The following CLDN10 variants were observed in gnomAD, a reference collection of about 807,000 sequenced individuals.
The protein encoded by CLDN10 is claudin 10.
A neutral mutation model predicts 22.9 loss-of-function variants in CLDN10; 15 were observed. The ratio of observed to expected loss-of-function variants is 0.65; its 90% CI spans 0.44 to 1.01. CLDN10 has a LOEUF of 1.01. Among genes scored for constraint, CLDN10 ranks in the 50% least tolerant of loss-of-function variants. The pLI, the probability that CLDN10 is intolerant of heterozygous loss-of-function variation, is 0.00. For missense variants in CLDN10, 247 were observed against 287.8 expected, an observed-to-expected ratio of 0.86 and a Z score of 1.03; for synonymous variants, 114 against 111.4, an observed-to-expected ratio of 1.02 and a Z score of -0.15.
chr13:95,512,650 C>T (rs1015084881), intron 1 of CLDN10, among the ~76,000 whole-genome samples: 1 of 152,192 alleles, frequency 6.6e-6, no homozygotes, highest in Admixed American at 6.5e-5. Flanking sequence ...GCCATGTCCC[C>T]CAGTCACCTG....
Position 95,523,200 on chromosome 13 carries a change from T to G in CLDN10, c.215-36932T>G, listed in dbSNP as rs977176658. Among the ~76,000 whole-genome samples the G allele has an allele frequency of 5.3e-5, 8 of 152,304 alleles. No homozygotes were observed. In the South Asian group the frequency reaches 6.2e-4, roughly 12 times the overall value. Reference sequence around the variant, plus strand: ...TTTTTTGTTAATTTATAATTTATACTCTTTTACTAGTCTCTTAGTTGTTCC... The same window carrying G: ...TTTTTTGTTAATTTATAATTTATACGCTTTTACTAGTCTCTTAGTTGTTCC... On this transcript the variant is annotated intron_variant, in intron 1 of 4. Transcript: ENST00000376873.
chr13:95,467,037 C>CA (rs1555289337), intron 1 of CLDN10, among the ~76,000 whole-genome samples: 2 of 118,986 alleles, frequency 1.7e-5, no homozygotes, highest in East Asian at 2.8e-4. Flanking sequence ...CCACCATGCC[C>CA]GTTTTTTTTT....
Position 95,552,816 on chromosome 13 carries a change from G to A in CLDN10, c.63G>A (p.Val21=). Residue 21 remains valine (V), a synonymous_variant, in exon 1 of 5, where the codon GTG becomes GTA. Coordinates refer to ENST00000299339, the MANE Select transcript of CLDN10 (RefSeq NM_006984.5). Reference sequence around the variant, plus strand: ...TCTCCATCTCAGGCTGGGTACTGGTGTCCTCCACGCTGCCCACCGACTACT... The same window carrying A: ...TCTCCATCTCAGGCTGGGTACTGGTATCCTCCACGCTGCCCACCGACTACT... ...FMVSISGWVL[V]SSTLPTDYWK... 6.2e-7 allele frequency: 1 copy of A among 1,614,024 alleles called. No homozygotes were observed. The highest frequency in any genetic ancestry group is 8.5e-7 in the Non-Finnish European group (1 of 1,179,976).
chr13:95,502,728 C>G (rs555454322), intron 1 of CLDN10, among the ~76,000 whole-genome samples: 2 of 152,242 alleles, frequency 1.3e-5, no homozygotes, highest in South Asian at 4.1e-4. Context: ...ACCATGTTGG[C>G]CAGGCTGGTC....
At chr13:95,576,376 C>T (rs1302315327) in intron 3 of CLDN10, among the ~76,000 whole-genome samples, 1 of 152,106 alleles carries the variant, frequency 6.6e-6, no homozygotes, top group East Asian at 1.9e-4. Flanking sequence ...AGTTTATGGG[C>T]CCCAAATAAG....
intron 3 of CLDN10, among the ~76,000 whole-genome samples, chr13:95,575,629 T>C (rs188176870): frequency 6.5e-5 from 9 of 138,080 alleles, no homozygotes; most frequent in Admixed American, 6.5e-4. Flanking sequence ...TCCTCGCTTA[T>C]ACAAACCCTC....
At chr13:95,519,736 T>C (rs9302079) in intron 1 of CLDN10, among the ~76,000 whole-genome samples, 59,405 of 152,106 alleles carry the variant, frequency 0.39, 11,852 homozygotes, top group African/African-American at 0.45. Flanking sequence ...GGATGAGTTT[T>C]AAGACAACAA....
intron 1 of CLDN10, among the ~76,000 whole-genome samples, chr13:95,532,374 G>C (rs966677728): frequency 6.6e-6 from 1 of 152,026 alleles, no homozygotes; most frequent in South Asian, 2.1e-4. Flanking sequence ...ATTTGAATGG[G>C]CAATAAGCAC....
intron 1 of CLDN10, among the ~76,000 whole-genome samples, chr13:95,522,885 G>A (rs2043237553): frequency 6.6e-6 from 1 of 151,788 alleles, no homozygotes; most frequent in African/African-American, 2.4e-5. Context: ...ATTTTAGGTA[G>A]CATTCACATT....
At chr13:95,498,139 A>AGT (rs1186990411) in intron 1 of CLDN10, among the ~76,000 whole-genome samples, 1 of 152,228 alleles carries the variant, frequency 6.6e-6, no homozygotes, top group Non-Finnish European at 1.5e-5. Context: ...TCTGAAGGTC[A>AGT]GTGTGTGACC....
At chr13:95,472,669 C>CCAA (rs570631335) in intron 1 of CLDN10, among the ~76,000 whole-genome samples, 3 of 106,272 alleles carry the variant, frequency 2.8e-5, no homozygotes, top group Non-Finnish European at 5.8e-5. Flanking sequence ...GACTCCGTCT[C>CCAA]AAAAAAAAAA....
intron 1 of CLDN10, among the ~76,000 whole-genome samples, chr13:95,496,687 C>T (rs927787): frequency 0.33 from 50,935 of 152,076 alleles, 9,808 homozygotes; most frequent in Non-Finnish European, 0.41. Flanking sequence ...CTTGTCTCTT[C>T]CTCTTCTTGT....
At chr13:95,456,275 T>A (rs2042481082) in intron 1 of CLDN10, among the ~76,000 whole-genome samples, 1 of 152,216 alleles carries the variant, frequency 6.6e-6, no homozygotes, top group South Asian at 2.1e-4. Context: ...ACAAAAATCT[T>A]AATTCTGGGT....
At chr13:95,455,925 A>G (rs1180702515) in intron 1 of CLDN10, among the ~76,000 whole-genome samples, 2 of 152,242 alleles carry the variant, frequency 1.3e-5, no homozygotes, top group Admixed American at 1.3e-4. Flanking sequence ...GCCTGGCTGA[A>G]GGAAGATTCT....
At chr13:95,479,739 A>C (rs947803239) in intron 1 of CLDN10, 10 of 152,336 alleles carry the variant, frequency 6.6e-5, no homozygotes, top group Admixed American at 2.6e-4. Flanking sequence ...GACCTTAAGG[A>C]ACTTGATCAA....
upstream of CLDN10, among the ~76,000 whole-genome samples, chr13:95,548,481 CAAAAA>C (rs202086060): frequency 6.6e-6 from 1 of 151,240 alleles, no homozygotes; most frequent in Non-Finnish European, 1.5e-5. Flanking sequence ...TTATAATTTG[CAAAAA>C]AAATTATAGA....
intron 1 of CLDN10, among the ~76,000 whole-genome samples, chr13:95,521,560 T>C (rs183268336): frequency 6.6e-6 from 1 of 152,322 alleles, no homozygotes; most frequent in East Asian, 1.9e-4. Flanking sequence ...ATCCTTTTTA[T>C]ATATTACTGG....
At chr13:95,523,770 G>A (rs764415435) in intron 1 of CLDN10, among the ~76,000 whole-genome samples, 3 of 152,038 alleles carry the variant, frequency 2.0e-5, no homozygotes, top group East Asian at 1.9e-4. Context: ...GATATGTTAC[G>A]GCATGATTTC....
At chr13:95,563,132 C>CTCTCTG (rs1359208916) in intron 3 of CLDN10, among the ~76,000 whole-genome samples, 1 of 142,160 alleles carries the variant, frequency 7.0e-6, no homozygotes, top group Non-Finnish European at 1.6e-5. Flanking sequence ...CTCTCTCTCT[C>CTCTCTG]TCTGTCTGTA....
Sources: allele counts gnomAD v4.1 joint callset (sites outside exome capture counted in the v4.1 genomes callset), GRCh38; gene constraint gnomAD v4.1.1; transcripts MANE v1.5; gene names NCBI Gene and HGNC (gene_info 2026-07-23, HGNC 2026-07-21).